Variants in SLC14A2 observed in about 807,000 individuals in gnomAD.
SLC14A2 encodes solute carrier family 14 member 2, also known as urea transporter 2.
SLC14A2 carries 91 observed loss-of-function variants against 104.6 expected under a neutral mutation model. The observed-to-expected ratio is 0.87, with a 90% confidence interval of 0.73 to 1.04. The LOEUF is 1.04. Among genes scored for constraint, SLC14A2 ranks in the 50% least tolerant of loss-of-function variants. The pLI is 0.00. For missense variants in SLC14A2, 1,189 were observed against 1,156.0 expected, an observed-to-expected ratio of 1.03 and a Z score of -0.41; for synonymous variants, 476 against 466.4, an observed-to-expected ratio of 1.02 and a Z score of -0.27.
At chr18:45,576,731 C>T (rs2044423848) in intron 2 of SLC14A2, among the ~76,000 whole-genome samples, 1 of 152,084 alleles carries the variant, frequency 6.6e-6, no homozygotes, top group African/African-American at 2.4e-5. Context: ...TAAAATTTAG[C>T]CCGCATTATT....
At chr18:45,427,266 GA>G (rs34941376) in intron 1 of SLC14A2, among the ~76,000 whole-genome samples, 3,432 of 148,794 alleles carry the variant, frequency 0.023, 139 homozygotes, top group African/African-American at 0.08. Flanking sequence ...AAAAGAAAGG[GA>G]AAAAAAAAAG....
intron 1 of SLC14A2, among the ~76,000 whole-genome samples, chr18:45,371,103 G>A (rs2615213): frequency 6.6e-6 from 1 of 152,152 alleles, no homozygotes; most frequent in African/African-American, 2.4e-5. Flanking sequence ...GTGTACCCTG[G>A]CTTGGTGGTA....
intron 1 of SLC14A2, among the ~76,000 whole-genome samples, chr18:45,386,821 G>A (rs545747735): frequency 7.2e-5 from 11 of 152,324 alleles, no homozygotes; most frequent in Admixed American, 6.5e-4. Context: ...GATGCTGATA[G>A]TATCTACCTC....
chr18:45,314,067 GTGTGTCTTGAATA>G (rs2085104803), intron 1 of SLC14A2, among the ~76,000 whole-genome samples: 1 of 152,230 alleles, frequency 6.6e-6, no homozygotes, highest in Non-Finnish European at 1.5e-5. Context: ...GCCTGACACA[GTGTGTCTTGAATA>G]TGTGCCGGAG....
intron 1 of SLC14A2, among the ~76,000 whole-genome samples, chr18:45,383,936 A>T (rs2085866389): frequency 6.6e-6 from 1 of 152,138 alleles, no homozygotes; most frequent in Non-Finnish European, 1.5e-5. Context: ...GAGTGAGGTT[A>T]ATCTGAAATT....
At chr18:45,183,042 T>G in the SLC14A2 span, among the ~76,000 whole-genome samples, 1 of 152,166 alleles carries the variant, frequency 6.6e-6, no homozygotes, top group African/African-American at 2.4e-5. Flanking sequence ...GAGACTGGTA[T>G]AGATTAGAAT....
chr18:45,372,457 T>G (rs559254597), intron 1 of SLC14A2, among the ~76,000 whole-genome samples: 1 of 152,280 alleles, frequency 6.6e-6, no homozygotes, highest in Admixed American at 6.5e-5. Flanking sequence ...AAGGTCAGAC[T>G]GAGGATGGCC....
intron 1 of SLC14A2, among the ~76,000 whole-genome samples, chr18:45,422,052 G>A (rs1326063149): frequency 6.6e-6 from 1 of 152,216 alleles, no homozygotes. Flanking sequence ...ACATGGAGAA[G>A]AGAAGCTGAA....
intron 1 of SLC14A2, among the ~76,000 whole-genome samples, chr18:45,225,326 G>T (rs1020295173): frequency 5.9e-5 from 9 of 151,854 alleles, no homozygotes; most frequent in African/African-American, 2.2e-4. Flanking sequence ...ATTTCTGAGG[G>T]CTCTGTTCTG....
At chr18:45,465,678 A>G (rs1312176991) in intron 1 of SLC14A2, among the ~76,000 whole-genome samples, 1 of 152,048 alleles carries the variant, frequency 6.6e-6, no homozygotes, top group East Asian at 1.9e-4. Flanking sequence ...TGGACTCCCA[A>G]AATCAGTCAG....
chr18:45,214,041 T>C (rs567892301), intron 1 of SLC14A2, among the ~76,000 whole-genome samples: 15 of 152,238 alleles, frequency 9.9e-5, no homozygotes, highest in African/African-American at 3.6e-4. Flanking sequence ...AGGAAAAGGG[T>C]ATGCAAGAGT....
intron 1 of SLC14A2, among the ~76,000 whole-genome samples, chr18:45,293,651 C>T (rs966486947): frequency 1.3e-5 from 2 of 152,132 alleles, no homozygotes; most frequent in South Asian, 4.2e-4. Flanking sequence ...GTAGTTAAAT[C>T]AAGGCAAGTT....
intron 2 of SLC14A2, among the ~76,000 whole-genome samples, chr18:45,517,851 T>C (rs759846407): frequency 1.3e-5 from 2 of 152,234 alleles, no homozygotes; most frequent in Admixed American, 6.5e-5. Context: ...GTACAAAAAA[T>C]AGAAGTTCAC....
chr18:45,424,815 C>T (rs146263018), intron 1 of SLC14A2, among the ~76,000 whole-genome samples: 32 of 152,336 alleles, frequency 2.1e-4, no homozygotes, highest in African/African-American at 7.7e-4. Context: ...ACTCCAACTT[C>T]CAAGTTTGCT....
intron 1 of SLC14A2, among the ~76,000 whole-genome samples, chr18:45,235,881 A>G (rs1310175566): frequency 8.7e-5 from 11 of 127,152 alleles, no homozygotes; most frequent in South Asian, 2.3e-4. Flanking sequence ...ATATGTATAT[A>G]TACATATATG....
intron 1 of SLC14A2, among the ~76,000 whole-genome samples, chr18:45,363,231 C>A (rs2085632206): frequency 6.6e-6 from 1 of 152,046 alleles, no homozygotes; most frequent in South Asian, 2.1e-4. Context: ...TCTAATTAAC[C>A]ACAGAAGCTG....
chr18:45,512,920 G>C (rs2043387024), intron 2 of SLC14A2, among the ~76,000 whole-genome samples: 1 of 152,184 alleles, frequency 6.6e-6, no homozygotes, highest in African/African-American at 2.4e-5. Flanking sequence ...TCAGTAACTT[G>C]CAGGTAAATC....
At chr18:45,508,268 CG>C (rs1269001512) in intron 2 of SLC14A2, among the ~76,000 whole-genome samples, 1 of 152,138 alleles carries the variant, frequency 6.6e-6, no homozygotes, top group Non-Finnish European at 1.5e-5. Flanking sequence ...GCCTTTGATA[CG>C]GTTTGATTGT....
chr18:45,566,136 G>A (rs997748975), intron 2 of SLC14A2, among the ~76,000 whole-genome samples: 1 of 152,216 alleles, frequency 6.6e-6, no homozygotes, highest in Non-Finnish European at 1.5e-5. Context: ...AATTCAGATA[G>A]AAAATTAAGA....
Sources: allele counts gnomAD v4.1 joint callset (sites outside exome capture counted in the v4.1 genomes callset), GRCh38; gene constraint gnomAD v4.1.1; transcripts MANE v1.5; gene names NCBI Gene and HGNC (gene_info 2026-07-23, HGNC 2026-07-21).